The following HECW2 variants were observed in gnomAD, a reference collection of about 807,000 sequenced individuals.
The protein encoded by HECW2 is E3 ubiquitin-protein ligase HECW2.
HECW2 carries 61 observed loss-of-function variants against 175.2 expected under a neutral mutation model. The ratio of observed to expected loss-of-function variants is 0.35; its 90% CI spans 0.28 to 0.43. HECW2 has a LOEUF of 0.43. Among genes scored for constraint, HECW2 ranks in the 20% least tolerant of loss-of-function variants. The pLI, the probability that HECW2 is intolerant of heterozygous loss-of-function variation, is 1.00. For synonymous variants in HECW2, 671 were observed against 731.0 expected (o/e 0.92, Z 1.32); for missense variants, 1,524 against 2,000.5 (o/e 0.76, Z 4.54).
At chr2:196,227,555 C>G (rs565696798) in intron 22 of HECW2, among the ~76,000 whole-genome samples, 50 of 59,956 alleles carry the variant, frequency 8.3e-4, no homozygotes, top group Non-Finnish European at 2.6e-3. Flanking sequence ...TCCTGCCCTT[C>G]TACCATCAAT....
At chr2:196,437,041 G>A (rs1327696390) in intron 1 of HECW2, among the ~76,000 whole-genome samples, 1 of 152,036 alleles carries the variant, frequency 6.6e-6, no homozygotes, top group Admixed American at 6.5e-5. Flanking sequence ...TTAATTCCAA[G>A]AGATAACATC....
chr2:196,262,578 T>C (rs1689342027), intron 17 of HECW2, among the ~76,000 whole-genome samples: 1 of 152,036 alleles, frequency 6.6e-6, no homozygotes, highest in Non-Finnish European at 1.5e-5. Context: ...TTATCTTTTT[T>C]TTTTTGAGAT....
At chr2:196,298,459 T>A (rs1010497766) in intron 13 of HECW2, among the ~76,000 whole-genome samples, 7 of 152,246 alleles carry the variant, frequency 4.6e-5, no homozygotes, top group Admixed American at 2.0e-4. Flanking sequence ...TTACTAGGTA[T>A]TACAACTACA....
intron 2 of HECW2, among the ~76,000 whole-genome samples, chr2:196,410,736 G>A (rs1695087019): frequency 6.6e-6 from 1 of 151,986 alleles, no homozygotes; most frequent in African/African-American, 2.4e-5. Flanking sequence ...CAGCCAACAG[G>A]ACACTGAACT....
intron 17 of HECW2, among the ~76,000 whole-genome samples, chr2:196,268,366 T>C (rs75453373): frequency 4.6e-5 from 7 of 152,326 alleles, no homozygotes; most frequent in South Asian, 2.1e-4. Context: ...GTGAATCCTA[T>C]GTTAGAAGAA....
chr2:196,307,029 A>G, intron 12 of HECW2, 101 bp downstream of exon 12: 1 of 761,540 alleles, frequency 1.3e-6, no homozygotes, highest in Non-Finnish European at 2.2e-6. Flanking sequence ...CTTATTGAAG[A>G]GCAAAAGTTC....
intron 1 of HECW2, among the ~76,000 whole-genome samples, chr2:196,479,432 G>T (rs1286481136): frequency 2.0e-5 from 3 of 152,348 alleles, no homozygotes; most frequent in East Asian, 3.9e-4. Flanking sequence ...GGGTGGAACA[G>T]TTCTTCCTTG....
chr2:196,298,150 A>C (rs1690888923), intron 13 of HECW2, among the ~76,000 whole-genome samples: 1 of 152,234 alleles, frequency 6.6e-6, no homozygotes, highest in Non-Finnish European at 1.5e-5. Context: ...ATGTTGGAAA[A>C]TTATTCAGTT....
intron 1 of HECW2, among the ~76,000 whole-genome samples, chr2:196,491,367 TATAC>T (rs1186289695): frequency 0.041 from 3,923 of 95,732 alleles, 129 homozygotes; most frequent in African/African-American, 0.1. Context: ...ATCATATATA[TATAC>T]ACACACACAC....
chr2:196,492,926 T>C (rs1440509735), intron 1 of HECW2, among the ~76,000 whole-genome samples: 1 of 152,234 alleles, frequency 6.6e-6, no homozygotes, highest in Non-Finnish European at 1.5e-5. Flanking sequence ...AACAGAGATG[T>C]TAACTTTAAT....
intron 1 of HECW2, among the ~76,000 whole-genome samples, chr2:196,494,122 A>C (rs12328910): frequency 6.6e-6 from 1 of 152,118 alleles, no homozygotes; most frequent in Non-Finnish European, 1.5e-5. Context: ...AGGAATCCCG[A>C]GCATAGGGGA....
In HECW2 at chr2:196,243,465, C is replaced by T. The variant is rs1169120175; in HGVS notation, c.3530-1261G>A. Among the ~76,000 whole-genome samples the T allele has an allele frequency of 4.6e-5, 7 of 152,206 alleles. No individual in the cohort carries two copies. The South Asian group carries it at 8.3e-4, about 18-fold the overall frequency. On this transcript the variant is annotated intron_variant, in intron 19 of 28. Transcript: ENST00000644978. Reference sequence around the variant, plus strand: ...TACTGGTGTGAGCCACTGCGCCAGACCATTTATTGCATTCTTAACATGTGC... The same window carrying T: ...TACTGGTGTGAGCCACTGCGCCAGATCATTTATTGCATTCTTAACATGTGC...
At chr2:196,475,362 G>A (rs1200299514) in intron 1 of HECW2, among the ~76,000 whole-genome samples, 1 of 148,506 alleles carries the variant, frequency 6.7e-6, no homozygotes, top group Non-Finnish European at 1.5e-5. Context: ...TGCGCAAAGG[G>A]AAGAGGGGAG....
intron 1 of HECW2, among the ~76,000 whole-genome samples, chr2:196,578,524 C>CA (rs1260943445): frequency 3.3e-5 from 5 of 151,948 alleles, no homozygotes; most frequent in African/African-American, 1.2e-4. Context: ...AAACAAACTC[C>CA]AAACAGGATA....
In HECW2 at chr2:196,319,046, T is replaced by G. The variant is rs1295635649; in HGVS notation, c.1844A>C (p.Glu615Ala). Residue 615 changes from glutamate (E) to alanine (A), a missense_variant, in exon 9 of 29, where the codon GAA becomes GCA. Glu to Ala is a moderately radical substitution (Grantham distance 107). Around this residue, in one of 11 missense-constraint regions of HECW2, gnomAD observed 604 missense variants for 588.3 expected, o/e 1.03. Transcript: ENST00000644978. ...CTCTGTCCTGGCAGGATCACTGGGT[T>G]CTGTTTCAGAGGACACCTGGGAAGG... ...SEPSQVSSET[E>A]PSDPARTESV... The G allele has an allele frequency of 2.5e-6, 4 of 1,613,670 alleles. No homozygotes were observed. The highest frequency in any genetic ancestry group is 3.4e-6 in the Non-Finnish European group (4 of 1,179,836).
At chr2:196,341,502 A>C (rs928762847) in intron 3 of HECW2, among the ~76,000 whole-genome samples, 5 of 152,248 alleles carry the variant, frequency 3.3e-5, no homozygotes, top group Admixed American at 6.5e-5. Flanking sequence ...AATGTTGGAA[A>C]GTTACATAGA....
chr2:196,377,145 G>A (rs567569342), intron 2 of HECW2, among the ~76,000 whole-genome samples: 123 of 152,212 alleles, frequency 8.1e-4, no homozygotes, highest in African/African-American at 2.7e-3. Flanking sequence ...TTAGTGCCAC[G>A]GAAAAGTAGC....
At position 196,439,606 on chromosome 2, in the gene HECW2, C is replaced by T. The variant is rs369215641; in HGVS notation, c.-35-6148G>A. 9.1e-4 allele frequency among the ~76,000 whole-genome samples: 139 copies of T among 152,174 alleles called. 2 individuals are homozygous for T. In the Middle Eastern group the frequency reaches 0.024, roughly 26 times the overall value. On this transcript the variant is annotated intron_variant, in intron 1 of 28. Transcript: ENST00000644978. ...CTTAGAAAAGAATTGCAGAGCCCACCGCCCACAAGCCAGCGACGGGACAGT... is the reference window on the plus strand; with the variant it reads ...CTTAGAAAAGAATTGCAGAGCCCACTGCCCACAAGCCAGCGACGGGACAGT...
chr2:196,325,265 A>G, intron 5 of HECW2, 116 bp from the exon 6 acceptor site: 1 of 681,056 alleles, frequency 1.5e-6, no homozygotes, highest in South Asian at 2.4e-5. Context: ...ATATGTCCTG[A>G]TTAGAACAAG....
Sources: allele counts gnomAD v4.1 joint callset (sites outside exome capture counted in the v4.1 genomes callset), GRCh38; gene constraint gnomAD v4.1.1; regional missense constraint gnomAD v4.1.1; transcripts MANE v1.5; gene names NCBI Gene and HGNC (gene_info 2026-07-23, HGNC 2026-07-21).